Variants in LRCH1 observed in about 807,000 individuals in gnomAD.
LRCH1 encodes the protein leucine rich repeats and calponin homology domain containing 1.
Under a neutral mutation model 94.9 loss-of-function variants are expected in LRCH1, and 23 were observed. The ratio of observed to expected loss-of-function variants is 0.24; its 90% CI spans 0.17 to 0.34. LRCH1 has a LOEUF of 0.34. Among genes scored for constraint, LRCH1 ranks in the 10% least tolerant of loss-of-function variants. LRCH1 has a pLI of 1.00. For synonymous variants in LRCH1, 364 were observed against 354.9 expected, an observed-to-expected ratio of 1.03 and a Z score of -0.29; for missense variants, 790 against 945.9, an observed-to-expected ratio of 0.84 and a Z score of 2.16.
At position 46,569,255 on chromosome 13, in the gene LRCH1, C is replaced by A. The variant is rs115813931; in HGVS notation, c.307+15552C>A. On this transcript the variant is annotated intron_variant, in intron 1 of 19. Coordinates refer to ENST00000389797, the MANE Select transcript of LRCH1 (RefSeq NM_001164211.2). ...TCCAATGTTGAAAGCATTTGTTGCG[C>A]ACCTACTGGATGTCAGACACTTTGC... Among the ~76,000 whole-genome samples, 6 of 152,312 alleles carry A rather than the reference C, an allele frequency of 3.9e-5. No homozygotes were observed. The South Asian group carries it at 1.2e-3, about 32-fold the overall frequency.
chr13:46,681,881 A>G (rs768217433), intron 4 of LRCH1, 35 bp downstream of exon 4: 3 of 1,339,838 alleles, frequency 2.2e-6, no homozygotes, highest in Non-Finnish European at 3.2e-6. Context: ...AGAAAATGGG[A>G]GACTTGCATT....
At chr13:46,604,389 G>A (rs962331548) in intron 1 of LRCH1, among the ~76,000 whole-genome samples, 2 of 152,118 alleles carry the variant, frequency 1.3e-5, no homozygotes, top group Non-Finnish European at 2.9e-5. Context: ...CTGGGTCTGG[G>A]GCCTGTGCCT....
At chr13:46,716,283 G>A (rs1244522191) in intron 16 of LRCH1, among the ~76,000 whole-genome samples, 2 of 152,008 alleles carry the variant, frequency 1.3e-5, no homozygotes, top group East Asian at 1.9e-4. Flanking sequence ...ATAAAAAATC[G>A]AGGACACTCA....
At chr13:46,745,043 C>A, downstream of LRCH1, 1 of 392,814 alleles carries the variant, frequency 2.5e-6, no homozygotes, top group Non-Finnish European at 3.5e-6. Flanking sequence ...ATAAAAAAGT[C>A]ACTGGGACAC....
chr13:46,647,294 AT>A (rs1162943375), intron 1 of LRCH1, among the ~76,000 whole-genome samples: 2 of 152,096 alleles, frequency 1.3e-5, no homozygotes, highest in Non-Finnish European at 2.9e-5. Flanking sequence ...TGTTTATCAG[AT>A]TTTTTTATAT....
intron 1 of LRCH1, among the ~76,000 whole-genome samples, chr13:46,567,614 T>C (rs1425586715): frequency 2.6e-5 from 4 of 152,088 alleles, no homozygotes; most frequent in East Asian, 3.8e-4. Context: ...TGTAATCAAC[T>C]CTTAGCTGTG....
At chr13:46,629,078 G>A (rs955366541) in intron 1 of LRCH1, among the ~76,000 whole-genome samples, 2 of 152,178 alleles carry the variant, frequency 1.3e-5, no homozygotes, top group Non-Finnish European at 2.9e-5. Context: ...GTATCTCAGA[G>A]GGCCTTTCCC....
At chr13:46,676,028 C>T (rs1426614164) in intron 3 of LRCH1, among the ~76,000 whole-genome samples, 2 of 152,190 alleles carry the variant, frequency 1.3e-5, no homozygotes, top group African/African-American at 4.8e-5. Context: ...CCTGTAATCC[C>T]AGCACTTTGG....
At chr13:46,689,061 A>G (rs956451625) in intron 6 of LRCH1, 72 bp from the exon 7 acceptor site, 1 of 1,147,228 alleles carries the variant, frequency 8.7e-7, no homozygotes, top group Middle Eastern at 2.0e-4. Context: ...ATATAAATTG[A>G]TGTTTCTTGG....
intron 1 of LRCH1, among the ~76,000 whole-genome samples, chr13:46,646,575 T>C (rs1488933141): frequency 6.6e-6 from 1 of 152,224 alleles, no homozygotes; most frequent in African/African-American, 2.4e-5. Context: ...TAAACACTTA[T>C]AATCTATTTT....
chr13:46,734,089 T>C (rs2138238260), intron 19 of LRCH1, 91 bp downstream of exon 19: 1 of 572,632 alleles, frequency 1.7e-6, no homozygotes, highest in East Asian at 3.2e-5. Flanking sequence ...CAAAGCTTTG[T>C]ACATGCTTTT....
At chr13:46,580,860 G>C (rs1406235019) in intron 1 of LRCH1, among the ~76,000 whole-genome samples, 1 of 152,250 alleles carries the variant, frequency 6.6e-6, no homozygotes, top group Non-Finnish European at 1.5e-5. Flanking sequence ...TTTTCAGTTG[G>C]TTCTAATAAA....
chr13:46,723,408 T>A, intron 17 of LRCH1, 78 bp downstream of exon 17: 1 of 1,090,266 alleles, frequency 9.2e-7, no homozygotes, highest in Non-Finnish European at 1.4e-6. Context: ...TTTGAAACAT[T>A]GCAAGCAGTC....
chr13:46,573,825 C>T (rs1169990539), intron 1 of LRCH1, among the ~76,000 whole-genome samples: 1 of 116,964 alleles, frequency 8.5e-6, no homozygotes, highest in Admixed American at 1.0e-4. Flanking sequence ...TATGATAGCA[C>T]AACAGGGTGA....
At chr13:46,725,123 G>A (rs560687024) in intron 17 of LRCH1, among the ~76,000 whole-genome samples, 70 of 152,232 alleles carry the variant, frequency 4.6e-4, no homozygotes, top group African/African-American at 1.6e-3. Flanking sequence ...CAAATACCAC[G>A]TTCTCACTTA....
rs147202746 is a variant in LRCH1 at position 46,742,879 on chromosome 13, A to G, written c.*1031A>G. On this transcript the variant is annotated 3_prime_UTR_variant, in exon 20 of 20. Coordinates refer to ENST00000389797, the MANE Select transcript of LRCH1 (RefSeq NM_001164211.2). ...GTTTCTCTAATTATTTGAAATGTTC[A>G]TTTAGCCTTTGATTTTCACTGATAT... 6.7e-5 allele frequency: 66 copies of G among 985,362 alleles called. No homozygotes were observed. In the African/African-American group the frequency reaches 1.1e-3, roughly 16 times the overall value. The allele number at this position is 985,362 out of a possible 1,614,324, so 61.0% of individuals were successfully genotyped here.
At position 46,579,745 on chromosome 13, in the gene LRCH1, A is replaced by T. The variant is rs74830836; in HGVS notation, c.307+26042A>T. ...TAAAATCATGGGAAGGCATCTGATT[A>T]CTTTGTTCTTGATGTACCTGAGTAA... is the stretch of plus-strand genomic sequence containing the variant. On this transcript the variant is annotated intron_variant, in intron 1 of 19. Transcript: ENST00000389797. Among the ~76,000 whole-genome samples the T allele has an allele frequency of 2.1e-3, 319 of 152,342 alleles. 1 individual carries two copies. Among genetic ancestry groups the T allele is most frequent in the African/African-American group, 7.1e-3 (297 of 41,590 alleles).
intron 16 of LRCH1, among the ~76,000 whole-genome samples, chr13:46,721,523 GT>G (rs1379929078): frequency 6.6e-6 from 1 of 152,164 alleles, no homozygotes; most frequent in Non-Finnish European, 1.5e-5. Flanking sequence ...ATTTGTCAGA[GT>G]TTTCCTCAGT....
At chr13:46,624,988 T>C (rs1000948164) in intron 1 of LRCH1, among the ~76,000 whole-genome samples, 1 of 152,256 alleles carries the variant, frequency 6.6e-6, no homozygotes, top group South Asian at 2.1e-4. Context: ...CTCAGGGTTC[T>C]GTTTACAGAG....
Sources: gnomAD v4.1 joint callset for allele counts (sites outside exome capture counted in the v4.1 genomes callset) on GRCh38, gnomAD v4.1.1 for gene constraint, MANE v1.5 for transcripts, NCBI Gene and HGNC (gene_info 2026-07-23, HGNC 2026-07-21) for gene names.